EEFSEC: variants seen among roughly 807,000 people sequenced by gnomAD.
EEFSEC encodes eukaryotic elongation factor, selenocysteine-tRNA specific, also known as selenocysteine-specific elongation factor.
Under a neutral mutation model 42.1 loss-of-function variants are expected in EEFSEC, and 43 were observed. The ratio of observed to expected loss-of-function variants is 1.02; its 90% confidence interval spans 0.80 to 1.32. The LOEUF is 1.32. EEFSEC is among the 40% of genes most tolerant of loss of function. EEFSEC has a pLI of 0.00. For synonymous variants in EEFSEC, 354 were observed against 339.1 expected (o/e 1.04, Z -0.48); for missense variants, 745 against 803.6 (o/e 0.93, Z 0.88).
intron 2 of EEFSEC, among the ~76,000 whole-genome samples, chr3:128,252,917 G>A (rs1346127103): frequency 2.6e-5 from 4 of 152,090 alleles, no homozygotes; most frequent in Non-Finnish European, 5.9e-5. Flanking sequence ...CTACAGAGCT[G>A]TGCAGCTGCC....
chr3:128,291,892 C>A (rs965612136), intron 4 of EEFSEC, among the ~76,000 whole-genome samples: 1 of 152,244 alleles, frequency 6.6e-6, no homozygotes, highest in African/African-American at 2.4e-5. Context: ...TATACTATTT[C>A]ACTATTAAAT....
chr3:128,262,010 T>G, intron 2 of EEFSEC, 118 bp from the exon 3 acceptor site: 1 of 891,706 alleles, frequency 1.1e-6, no homozygotes, highest in Non-Finnish European at 1.8e-6. Context: ...GCTTGGTTGA[T>G]GTGGGGAGAG....
chr3:128,382,112 G>A (rs1399684518), intron 6 of EEFSEC, among the ~76,000 whole-genome samples: 3 of 152,208 alleles, frequency 2.0e-5, no homozygotes, highest in Non-Finnish European at 2.9e-5. Context: ...GGGCTATGAC[G>A]CCCAGCTCCT....
At chr3:128,389,868 A>G (rs2107622623) in intron 6 of EEFSEC, among the ~76,000 whole-genome samples, 1 of 152,350 alleles carries the variant, frequency 6.6e-6, no homozygotes, top group East Asian at 1.9e-4. Context: ...CTAGCCGGTC[A>G]AGCCTAGCCC....
intron 1 of EEFSEC, among the ~76,000 whole-genome samples, chr3:128,234,075 C>T (rs1488275640): frequency 2.6e-5 from 4 of 151,528 alleles, no homozygotes; most frequent in Admixed American, 2.0e-4. Context: ...TATTTTGAGA[C>T]AGAGTCTTGC....
intron 1 of EEFSEC, among the ~76,000 whole-genome samples, chr3:128,217,702 G>T (rs1216099245): frequency 6.6e-6 from 1 of 152,160 alleles, no homozygotes; most frequent in East Asian, 1.9e-4. Context: ...GTCCCCCACT[G>T]CCCATGTATA....
intron 1 of EEFSEC, among the ~76,000 whole-genome samples, chr3:128,158,080 C>T (rs1362563830): frequency 2.6e-5 from 4 of 152,240 alleles, no homozygotes; most frequent in Middle Eastern, 3.4e-3. Flanking sequence ...CTGAGGGGTT[C>T]AAGACTTCAG....
At chr3:128,331,828 G>A (rs1184614592) in intron 4 of EEFSEC, among the ~76,000 whole-genome samples, 1 of 152,098 alleles carries the variant, frequency 6.6e-6, no homozygotes, top group African/African-American at 2.4e-5. Context: ...GTGGGGAAGA[G>A]GTTATTTCTT....
At chr3:128,195,573 C>T (rs1559863526) in intron 1 of EEFSEC, among the ~76,000 whole-genome samples, 1 of 152,192 alleles carries the variant, frequency 6.6e-6, no homozygotes, top group African/African-American at 2.4e-5. Flanking sequence ...CTGACAGACA[C>T]AGGGGAATCC....
the EEFSEC span, among the ~76,000 whole-genome samples, chr3:128,417,784 C>T: frequency 6.6e-6 from 1 of 152,078 alleles, no homozygotes; most frequent in Non-Finnish European, 1.5e-5. The surrounding 1 kb of genome is among the most constrained non-coding windows in gnomAD (Gnocchi z 4.3). Flanking sequence ...ACTGTCCTGG[C>T]CTGCAGACCA....
intron 3 of EEFSEC, 139 bp downstream of exon 3, chr3:128,262,363 T>C: frequency 1.4e-6 from 1 of 697,818 alleles, no homozygotes; most frequent in Non-Finnish European, 2.4e-6. Flanking sequence ...ACCTCCCTGT[T>C]AACACCTTAG....
downstream of EEFSEC, among the ~76,000 whole-genome samples, chr3:128,411,487 T>C (rs1348295478): frequency 6.6e-6 from 1 of 152,194 alleles, no homozygotes; most frequent in Non-Finnish European, 1.5e-5. Context: ...TGCCCACCAG[T>C]GCTTCAGGCG....
intron 4 of EEFSEC, among the ~76,000 whole-genome samples, chr3:128,337,309 G>A (rs2067200824): frequency 6.6e-6 from 1 of 152,154 alleles, no homozygotes; most frequent in African/African-American, 2.4e-5. Flanking sequence ...GATTTGCACA[G>A]TTATTTATCT....
chr3:128,367,842 C>A, intron 6 of EEFSEC: 2 of 985,416 alleles, frequency 2.0e-6, no homozygotes, highest in Non-Finnish European at 2.4e-6. Flanking sequence ...ATCTGGAATG[C>A]CAAGCAGTTC....
chr3:128,191,793 C>A (rs1479852616), intron 1 of EEFSEC, among the ~76,000 whole-genome samples: 1 of 152,138 alleles, frequency 6.6e-6, no homozygotes, highest in Non-Finnish European at 1.5e-5. Context: ...GAATTTCTTT[C>A]CCTTTTAAGG....
Position 128,153,584 on chromosome 3 carries a change from C to G in EEFSEC, c.77C>G (p.Ala26Gly). The change falls in exon 1 of 7, where the codon GCG (alanine) becomes GGG (glycine). Residue 26 changes from alanine to glycine, a missense_variant. Physicochemically the swap from Ala to Gly is moderately conservative, Grantham distance 60. Transcript: ENST00000254730. ...IDSGKTALAR[A>G]LSTTASTAAF... is the part of the protein sequence containing the mutation. ...AGCGGCAAGACGGCGCTGGCGCGGG[C>G]GCTAAGCACCACAGCCTCCACCGCC... 6.4e-7 allele frequency: 1 copy of G among 1,566,336 alleles called. No individual in the cohort carries two copies. The highest frequency in any genetic ancestry group is 8.6e-7 in the Non-Finnish European group (1 of 1,163,798).
chr3:128,394,431 T>G (rs1349136939), intron 6 of EEFSEC, among the ~76,000 whole-genome samples: 2 of 152,220 alleles, frequency 1.3e-5, no homozygotes, highest in Non-Finnish European at 2.9e-5. Context: ...CCTTCATTAT[T>G]CTAGACGGTT....
At chr3:128,189,483 T>C (rs1490135263) in intron 1 of EEFSEC, among the ~76,000 whole-genome samples, 2 of 152,214 alleles carry the variant, frequency 1.3e-5, no homozygotes, top group Non-Finnish European at 2.9e-5. Context: ...CCTATTATGA[T>C]AATACATGAC....
chr3:128,340,636 A>G lies in EEFSEC; in HGVS notation c.787-597A>G, dbSNP rs1168742420. ...GGCTACCCACAAGCCAGCAGGCAGC[A>G]GATACACAATAGACAGTGACCATGC... On this transcript the variant is annotated intron_variant, in intron 4 of 6. Coordinates refer to ENST00000254730, the MANE Select transcript of EEFSEC (RefSeq NM_021937.5). 2.6e-5 allele frequency among the ~76,000 whole-genome samples: 4 copies of G among 152,210 alleles called. No homozygotes were observed. In the South Asian group the frequency reaches 6.2e-4, roughly 24 times the overall value.
Sources: gnomAD v4.1 joint callset for allele counts (sites outside exome capture counted in the v4.1 genomes callset) on GRCh38, gnomAD v4.1.1 for gene constraint, Gnocchi (gnomAD v3.1) non-coding constraint, MANE v1.5 for transcripts, NCBI Gene and HGNC (gene_info 2026-07-23, HGNC 2026-07-21) for gene names.